Variants in PLXND1 observed in about 807,000 individuals in gnomAD.
PLXND1 encodes the protein plexin D1.
PLXND1 carries 54 observed loss-of-function variants against 197.7 expected under a neutral mutation model. The observed-to-expected ratio is 0.27, with a 90% confidence interval of 0.22 to 0.34. The LOEUF is 0.34. Ranked by LOEUF, PLXND1 falls within the 10% of genes least tolerant of loss-of-function variation. PLXND1 has a pLI of 1.00. For synonymous variants in PLXND1, 1,180 were observed against 1,161.2 expected, an observed-to-expected ratio of 1.02 and a Z score of -0.33; for missense variants, 2,127 against 2,699.2, an observed-to-expected ratio of 0.79 and a Z score of 4.70.
chr3:129,582,016 A>G (rs1039049387), intron 8 of PLXND1, among the ~76,000 whole-genome samples: 5 of 152,236 alleles, frequency 3.3e-5, no homozygotes, highest in African/African-American at 1.2e-4. Flanking sequence ...TGGGGTCCCA[A>G]CTGTGGAATC....
rs928566756 is a variant in PLXND1 at position 129,569,962 on chromosome 3, G to A, written c.3751-5C>T. On this transcript the variant is annotated splice_polypyrimidine_tract_variant and splice_region_variant and intron_variant, in intron 19 of 35. Transcript: ENST00000324093. ...GTTGAAGTTCCCTACCTGGATCTGT[G>A]CAGAGGTTGGGGAAGGGGGTTGTAG... The A allele has an allele frequency of 6.4e-7, 1 of 1,556,532 alleles. No homozygotes were observed. The highest frequency in any genetic ancestry group is 8.9e-7 in the Non-Finnish European group (1 of 1,127,698).
intron 1 of PLXND1, 46 bp downstream of exon 1, chr3:129,605,283 C>CG (rs2085768207): frequency 2.6e-6 from 2 of 782,804 alleles, no homozygotes; most frequent in Non-Finnish European, 3.4e-6. Flanking sequence ...CCGCCCCCGC[C>CG]CCCGCCGCCG....
intron 9 of PLXND1, among the ~76,000 whole-genome samples, chr3:129,576,852 G>A (rs142522600): frequency 2.0e-4 from 30 of 152,280 alleles, no homozygotes; most frequent in African/African-American, 7.2e-4. Context: ...GTGTCATGAG[G>A]CTCAGTTCCC....
chr3:129,595,628 C>T (rs766343365), intron 1 of PLXND1, among the ~76,000 whole-genome samples: 8 of 152,204 alleles, frequency 5.3e-5, no homozygotes, highest in African/African-American at 1.2e-4. Flanking sequence ...GCAGACCCTT[C>T]GGGGAGGCCT....
chr3:129,596,678 G>C (rs1414393262), intron 1 of PLXND1, among the ~76,000 whole-genome samples: 1 of 152,222 alleles, frequency 6.6e-6, no homozygotes, highest in Non-Finnish European at 1.5e-5. Context: ...AGGGAACACT[G>C]GCAGTTCCCT....
intron 8 of PLXND1, 61 bp downstream of exon 8, chr3:129,583,506 T>A: frequency 9.3e-7 from 1 of 1,071,070 alleles, no homozygotes; most frequent in Non-Finnish European, 1.4e-6. Flanking sequence ...TCTCAACATG[T>A]GAATTTTTTA....
Position 129,606,243 on chromosome 3 carries a change from C to G in PLXND1, c.397G>C (p.Gly133Arg), listed in dbSNP as rs761086539. The G allele has an allele frequency of 1.3e-6, 2 of 1,572,992 alleles. No homozygotes were observed. The highest frequency in any genetic ancestry group is 1.7e-6 in the Non-Finnish European group (2 of 1,164,856). ...NYNKILQLDPGQGLVVVCGSI... is the reference protein window; with the variant it reads ...NYNKILQLDPRQGLVVVCGSI... Reference sequence around the variant, plus strand: ...CCGCACACGACTACCAGGCCCTGGCCGGGGTCCAGCTGCAGGATCTTGTTG... The same window carrying G: ...CCGCACACGACTACCAGGCCCTGGCGGGGGTCCAGCTGCAGGATCTTGTTG... The change falls in exon 1 of 36, where the codon GGC becomes CGC. Residue 133 changes from glycine (G) to arginine (R), a missense_variant. Physicochemically the swap from Gly to Arg is moderately radical, Grantham distance 125 (BLOSUM62 -2). Transcript: ENST00000324093.
intron 1 of PLXND1, among the ~76,000 whole-genome samples, chr3:129,605,034 G>T (rs901865772): frequency 6.6e-6 from 1 of 152,118 alleles, no homozygotes; most frequent in Non-Finnish European, 1.5e-5. Context: ...GGCTTTATGC[G>T]CACCTGGGTA....
Position 129,562,892 on chromosome 3 carries a change from C to T in PLXND1, c.4720G>A (p.Ala1574Thr). 1.2e-6 allele frequency: 2 copies of T among 1,610,406 alleles called. No individual in the cohort carries two copies. The highest frequency in any genetic ancestry group is 1.7e-6 in the Non-Finnish European group (2 of 1,176,906). ...GCGMDSLSVR[A>T]MDTDTLTQVK... Reference sequence around the variant, plus strand: ...TGTGTCAGCGTGTCGGTGTCCATGGCCCGCACGCTCAGCGAGTCCATGCCA... The same window carrying T: ...TGTGTCAGCGTGTCGGTGTCCATGGTCCGCACGCTCAGCGAGTCCATGCCA... Residue 1574 changes from alanine (A) to threonine (T), a missense_variant, in exon 27 of 36, where the codon GCC (alanine) becomes ACC (threonine). Coordinates refer to ENST00000324093, the MANE Select transcript of PLXND1 (RefSeq NM_015103.3).
intron 5 of PLXND1, 102 bp downstream of exon 5, chr3:129,585,850 G>C (rs2085451040): frequency 3.4e-6 from 5 of 1,475,518 alleles, no homozygotes; most frequent in Non-Finnish European, 9.4e-7. Flanking sequence ...TCAGGTCCTT[G>C]GGGCACCATG....
chr3:129,578,164 C>A (rs2085339425), intron 9 of PLXND1, among the ~76,000 whole-genome samples, 165 bp downstream of exon 9: 1 of 152,222 alleles, frequency 6.6e-6, no homozygotes, highest in South Asian at 2.1e-4. Flanking sequence ...CTTCCTCATG[C>A]AGAAGGTGGA....
chr3:129,584,489 T>C lies in PLXND1; in HGVS notation c.1925A>G (p.Asn642Ser). Residue 642 changes from asparagine (N) to serine (S), a missense_variant, in exon 6 of 36, where the codon AAC (asparagine) becomes AGC (serine). Coordinates refer to ENST00000324093, the MANE Select transcript of PLXND1 (RefSeq NM_015103.3). ...GMEMACDYGN[N>S]IRTVARVPGP... ...TGGGACCCGAGCCACAGTGCGGATG[T>C]TGTTCCCATAGTCACAGGCCATCTC... 6.2e-7 allele frequency: 1 copy of C among 1,614,008 alleles called. No individual in the cohort carries two copies. Among genetic ancestry groups the C allele is most frequent in the Non-Finnish European group, 8.5e-7 (1 of 1,179,960 alleles).
rs1423116680 is a variant in PLXND1 at position 129,584,397 on chromosome 3, G to A, written c.2017C>T (p.Pro673Ser). ...LLPRDQFPPF[P>S]PNQDHVTVEM... The stretch of plus-strand genomic sequence containing the variant: ...ACAGCGTGCTTACCCTGGTTGGGGG[G>A]GAAGGGCGGAAACTGGTCCCTCGGC... Residue 673 changes from proline (P) to serine (S), a missense_variant, in exon 6 of 36, where the codon CCC becomes TCC. Pro to Ser is a moderately conservative substitution (Grantham distance 74). Transcript: ENST00000324093. The A allele has an allele frequency of 2.9e-5, 47 of 1,612,552 alleles. 1 individual carries two copies. The highest frequency in any genetic ancestry group is 3.9e-5 in the Non-Finnish European group (46 of 1,179,258).
chr3:129,600,388 A>T (rs1419745160), intron 1 of PLXND1, among the ~76,000 whole-genome samples: 1 of 151,970 alleles, frequency 6.6e-6, no homozygotes, highest in Non-Finnish European at 1.5e-5. Flanking sequence ...GTTTTATTTT[A>T]TGTATTTATT....
chr3:129,571,452 G>C, intron 17 of PLXND1, 57 bp downstream of exon 17: 3 of 1,559,172 alleles, frequency 1.9e-6, no homozygotes, highest in Non-Finnish European at 2.6e-6. Flanking sequence ...GGTCAGTTAG[G>C]GCCCTGGCTG....
intron 1 of PLXND1, 27 bp downstream of exon 1, chr3:129,605,302 G>A (rs1209381782): frequency 5.5e-6 from 6 of 1,095,130 alleles, no homozygotes; most frequent in Non-Finnish European, 5.8e-6. Flanking sequence ...CGCCGCCGCC[G>A]CCGCCGCCGC....
intron 1 of PLXND1, among the ~76,000 whole-genome samples, chr3:129,602,760 A>C (rs2085728768): frequency 6.6e-6 from 1 of 152,142 alleles, no homozygotes; most frequent in Admixed American, 6.5e-5. Context: ...GAGTAATAAC[A>C]AGAAGAACTG....
At chr3:129,572,813 C>A (rs1286817567) in intron 14 of PLXND1, 29 bp downstream of exon 14, 8 of 1,612,678 alleles carry the variant, frequency 5.0e-6, no homozygotes, top group Non-Finnish European at 6.8e-6. Context: ...GCTGGGCGGG[C>A]CGGACAGTGG....
chr3:129,562,693 C>A, intron 27 of PLXND1, 94 bp downstream of exon 27: 1 of 1,201,426 alleles, frequency 8.3e-7, no homozygotes. Context: ...CATTCATGCA[C>A]CCATGCCAGG....
Sources: allele counts gnomAD v4.1 joint callset (sites outside exome capture counted in the v4.1 genomes callset), GRCh38; gene constraint gnomAD v4.1.1; transcripts MANE v1.5; gene names NCBI Gene and HGNC (gene_info 2026-07-23, HGNC 2026-07-21).